The following ITPR1 variants were observed in gnomAD, a reference collection of about 807,000 sequenced individuals.
The protein encoded by ITPR1 is inositol 1,4,5-trisphosphate receptor type 1.
Under a neutral mutation model 318.4 loss-of-function variants are expected in ITPR1, and 96 were observed. The observed-to-expected ratio is 0.30, with a 90% CI of 0.26 to 0.36. The LOEUF is 0.36. Ranked by LOEUF, ITPR1 falls within the 10% of genes least tolerant of loss-of-function variation. The probability of loss-of-function intolerance (pLI) is 1.00; values close to 1 mark genes in which losing one functional copy is unlikely to be tolerated. For synonymous variants in ITPR1, 1,312 were observed against 1,289.9 expected (o/e 1.02, Z -0.37); for missense variants, 2,440 against 3,460.2 (o/e 0.71, Z 7.40).
chr3:4,782,816 A>T, intron 50 of ITPR1, 75 bp downstream of exon 50: 1 of 1,353,760 alleles, frequency 7.4e-7, no homozygotes, highest in Non-Finnish European at 9.7e-7. Context: ...GGGTGCCCCC[A>T]GTCTTGCTTT....
intron 44 of ITPR1, among the ~76,000 whole-genome samples, chr3:4,755,392 C>T (rs2044887093): frequency 7.8e-6 from 1 of 128,086 alleles, no homozygotes; most frequent in African/African-American, 2.6e-5. Flanking sequence ...GTTTTTTCCC[C>T]CAATTAAAAA....
chr3:4,603,426 T>A (rs887723398), intron 4 of ITPR1, among the ~76,000 whole-genome samples: 1 of 151,960 alleles, frequency 6.6e-6, no homozygotes, highest in Admixed American at 6.6e-5. Context: ...TCTTTTTTAT[T>A]TTTGGTTTTG....
intron 40 of ITPR1, among the ~76,000 whole-genome samples, chr3:4,720,123 T>C (rs1039043698): frequency 5.9e-5 from 9 of 152,260 alleles, no homozygotes; most frequent in African/African-American, 2.2e-4. Flanking sequence ...CATTCATTTA[T>C]ATGACTAATA....
At chr3:4,623,814 C>G (rs1426737384) in intron 4 of ITPR1, among the ~76,000 whole-genome samples, 1 of 152,164 alleles carries the variant, frequency 6.6e-6, no homozygotes, top group African/African-American at 2.4e-5. Context: ...CGTTCTGTTA[C>G]TAGTATGTTA....
At chr3:4,495,001 G>A (rs2080439408) in intron 2 of ITPR1, among the ~76,000 whole-genome samples, 1 of 152,190 alleles carries the variant, frequency 6.6e-6, no homozygotes, top group Non-Finnish European at 1.5e-5. Context: ...AAAGGGAAGT[G>A]AGTTATTGAA....
chr3:4,531,687 T>C (rs2083427650), intron 4 of ITPR1, among the ~76,000 whole-genome samples: 1 of 152,230 alleles, frequency 6.6e-6, no homozygotes, highest in East Asian at 1.9e-4. Context: ...CTCTGTACTC[T>C]GGGACTTTGC....
chr3:4,560,154 C>T (rs2086530599), intron 4 of ITPR1, among the ~76,000 whole-genome samples: 1 of 152,152 alleles, frequency 6.6e-6, no homozygotes. Flanking sequence ...TTAAAAAATG[C>T]TTAAGTAACT....
intron 4 of ITPR1, among the ~76,000 whole-genome samples, chr3:4,566,766 C>A (rs1243820361): frequency 6.6e-6 from 1 of 152,222 alleles, no homozygotes; most frequent in African/African-American, 2.4e-5. Flanking sequence ...TCAGCCCAAC[C>A]TGGGCCTGGG....
intron 60 of ITPR1, among the ~76,000 whole-genome samples, chr3:4,824,484 C>T (rs1039246642): frequency 3.9e-5 from 6 of 152,116 alleles, no homozygotes; most frequent in African/African-American, 1.4e-4. Context: ...CCCACATATC[C>T]GCATGTGGTT....
chr3:4,756,618 A>G, intron 44 of ITPR1, among the ~76,000 whole-genome samples: 1 of 152,184 alleles, frequency 6.6e-6, no homozygotes, highest in East Asian at 1.9e-4. Flanking sequence ...TGCTGAGGAT[A>G]ATAGCCTCCA....
chr3:4,633,943 ACCTTT>A (rs1398489365), intron 5 of ITPR1, among the ~76,000 whole-genome samples: 2 of 152,158 alleles, frequency 1.3e-5, no homozygotes, highest in East Asian at 1.9e-4. Context: ...TAACAAAATA[ACCTTT>A]CCTTACTGTT....
At chr3:4,623,176 C>A (rs746910466) in intron 4 of ITPR1, among the ~76,000 whole-genome samples, 1 of 152,204 alleles carries the variant, frequency 6.6e-6, no homozygotes, top group African/African-American at 2.4e-5. Context: ...ATTTGATAGT[C>A]AAACTCATCT....
chr3:4,710,140 A>G lies in ITPR1; in HGVS notation c.4843-185A>G, dbSNP rs918624923. On this transcript the variant is annotated intron_variant, in intron 37 of 61. Coordinates refer to ENST00000649015, the MANE Select transcript of ITPR1 (RefSeq NM_001378452.1). The surrounding 1 kb of genome is among the most constrained non-coding windows in gnomAD (Gnocchi z 4.2). Reference sequence around the variant, plus strand: ...GACTTGTTTTCACTTTGTTTTCTGCATCAGAGGCTAATGTTTCAGGTAACC... The same window carrying G: ...GACTTGTTTTCACTTTGTTTTCTGCGTCAGAGGCTAATGTTTCAGGTAACC... 6.6e-6 allele frequency among the ~76,000 whole-genome samples: 1 copy of G among 152,214 alleles called. No homozygotes were observed. Among genetic ancestry groups the G allele is most frequent in the African/African-American group, 2.4e-5 (1 of 41,446 alleles).
chr3:4,697,104 A>C lies in ITPR1; in HGVS notation c.4282-43A>C, dbSNP rs752533541. On this transcript the variant is annotated intron_variant, in intron 33 of 61. Transcript: ENST00000649015. ...TTGAGGCAGCTAATGAGTTCCATAC[A>C]CACCAAGATGGTTTTTCAGAAAAGC... 2.5e-6 allele frequency: 4 copies of C among 1,600,252 alleles called. No individual in the cohort carries two copies. The African/African-American group carries it at 5.4e-5, about 21-fold the overall frequency.
At chr3:4,757,115 G>C (rs1168804988) in intron 44 of ITPR1, among the ~76,000 whole-genome samples, 1 of 152,176 alleles carries the variant, frequency 6.6e-6, no homozygotes, top group Non-Finnish European at 1.5e-5. Flanking sequence ...AAGGAGCCAA[G>C]GCCAAAATGT....
intron 20 of ITPR1, 47 bp downstream of exon 20, chr3:4,670,973 T>C (rs1268032462): frequency 7.5e-7 from 1 of 1,338,108 alleles, no homozygotes; most frequent in African/African-American, 1.5e-5. Flanking sequence ...CCCAAAACAG[T>C]GGCACTTAGG....
At chr3:4,515,897 A>G (rs304047) in intron 2 of ITPR1, among the ~76,000 whole-genome samples, 144,640 of 152,250 alleles carry the variant, frequency 0.95, 69,132 homozygotes, top group East Asian at 1. Context: ...TTTGGGTGAC[A>G]TGCGTACAGT....
chr3:4,511,965 G>A (rs1472270817), intron 2 of ITPR1, among the ~76,000 whole-genome samples: 12 of 152,082 alleles, frequency 7.9e-5, no homozygotes, highest in Non-Finnish European at 1.0e-4. Context: ...ATCCTTTGTG[G>A]GGCTAAGGGA....
intron 36 of ITPR1, among the ~76,000 whole-genome samples, chr3:4,704,631 G>C (rs1021091666): frequency 2.0e-5 from 3 of 152,156 alleles, no homozygotes; most frequent in Non-Finnish European, 4.4e-5. Flanking sequence ...ACAGAGGTTA[G>C]TTTTTGTTTA....
Sources: gnomAD v4.1 joint callset for allele counts (sites outside exome capture counted in the v4.1 genomes callset) on GRCh38, gnomAD v4.1.1 for gene constraint, Gnocchi (gnomAD v3.1) non-coding constraint, MANE v1.5 for transcripts, NCBI Gene and HGNC (gene_info 2026-07-23, HGNC 2026-07-21) for gene names.